LRRC37A2: variants seen among roughly 807,000 people sequenced by gnomAD.
The protein encoded by LRRC37A2 is leucine-rich repeat-containing protein 37A2.
A neutral mutation model predicts 68.8 loss-of-function variants in LRRC37A2; 9 were observed. The ratio of observed to expected loss-of-function variants is 0.13; its 90% CI spans 0.08 to 0.23. The LOEUF (loss-of-function observed/expected upper bound fraction) is 0.23, where lower values mean the gene tolerates loss of function less well. Ranked by LOEUF, LRRC37A2 falls within the 10% of genes least tolerant of loss-of-function variation. The pLI is 1.00. For missense variants in LRRC37A2, 168 were observed against 950.4 expected, an observed-to-expected ratio of 0.18 and a Z score of 10.82; for synonymous variants, 63 against 367.6, an observed-to-expected ratio of 0.17 and a Z score of 9.48.
the LRRC37A2 span, among the ~76,000 whole-genome samples, chr17:46,864,232 A>C: frequency 6.6e-6 from 1 of 152,160 alleles, no homozygotes; most frequent in Non-Finnish European, 1.5e-5. Flanking sequence ...AGCCAGAGTC[A>C]CCCAGTACCC....
the LRRC37A2 span, among the ~76,000 whole-genome samples, chr17:46,711,740 A>G: frequency 6.6e-6 from 1 of 152,230 alleles, no homozygotes; most frequent in Admixed American, 6.5e-5. Flanking sequence ...GCCCCATGAC[A>G]AGGGAACCTA....
chr17:46,852,418 G>A, the LRRC37A2 span, among the ~76,000 whole-genome samples: 1 of 150,876 alleles, frequency 6.6e-6, no homozygotes. Flanking sequence ...GTGTGTGTGT[G>A]TGTGTGTGTG....
the LRRC37A2 span, among the ~76,000 whole-genome samples, chr17:46,392,421 CTTTCTTTCTCTCTTTCTTTCTTTCTT>C: frequency 4.4e-4 from 25 of 57,442 alleles, no homozygotes; most frequent in Non-Finnish European, 7.4e-4. Flanking sequence ...CTCTCTCTCT[CTTTCTTTCTCTCTTTCTTTCTTTCTT>C]TCTTTCTTTC....
chr17:46,859,908 A>T, the LRRC37A2 span, among the ~76,000 whole-genome samples: 8 of 152,300 alleles, frequency 5.3e-5, no homozygotes, highest in South Asian at 1.5e-3. Context: ...TTGAAAATTT[A>T]AAAAAAGAAA....
chr17:46,822,807 G>A, the LRRC37A2 span, among the ~76,000 whole-genome samples: 29 of 152,130 alleles, frequency 1.9e-4, no homozygotes, highest in African/African-American at 6.5e-4. Flanking sequence ...GGCACCGCCA[G>A]ATCCACCCTG....
chr17:46,759,385 G>A, the LRRC37A2 span, among the ~76,000 whole-genome samples: 3 of 152,222 alleles, frequency 2.0e-5, no homozygotes, highest in East Asian at 3.8e-4. Flanking sequence ...ATAAAGATGC[G>A]GGAGATAGCG....
chr17:46,851,740 C>A, the LRRC37A2 span: 8 of 1,231,230 alleles, frequency 6.5e-6, no homozygotes, highest in Admixed American at 1.7e-4. This position sits in a 1 kb window ranked among gnomAD's most constrained non-coding sequence, Gnocchi z 4.3. Context: ...CGCCCCCCGC[C>A]CGCTCCCCGG....
the LRRC37A2 span, among the ~76,000 whole-genome samples, chr17:46,992,412 C>A: frequency 6.6e-6 from 1 of 152,028 alleles, no homozygotes. Context: ...GGTTTGGCTG[C>A]GTACTGAAAC....
the LRRC37A2 span, among the ~76,000 whole-genome samples, chr17:46,787,895 T>G: frequency 6.6e-6 from 1 of 150,690 alleles, no homozygotes; most frequent in Non-Finnish European, 1.5e-5. Flanking sequence ...GGCAGAGGTT[T>G]CAGTGAGCCG....
chr17:46,944,818 T>C, the LRRC37A2 span, among the ~76,000 whole-genome samples: 1 of 152,126 alleles, frequency 6.6e-6, no homozygotes. Context: ...CAGGCTGGTC[T>C]CGAACTCCTG....
the LRRC37A2 span, among the ~76,000 whole-genome samples, chr17:46,882,746 C>T: frequency 6.6e-6 from 1 of 152,228 alleles, no homozygotes; most frequent in African/African-American, 2.4e-5. Flanking sequence ...GATTGGTGGC[C>T]TATGGTGCAC....
the LRRC37A2 span, among the ~76,000 whole-genome samples, chr17:47,000,962 C>A: frequency 5.3e-5 from 8 of 152,030 alleles, no homozygotes; most frequent in African/African-American, 1.9e-4. Flanking sequence ...GTGGTAAAAC[C>A]CCGTCTCTAC....
the LRRC37A2 span, among the ~76,000 whole-genome samples, chr17:46,808,057 A>G: frequency 2.0e-5 from 3 of 152,262 alleles, no homozygotes; most frequent in Non-Finnish European, 4.4e-5. Flanking sequence ...GACCAGATGC[A>G]AAGCAGCAAA....
the LRRC37A2 span, among the ~76,000 whole-genome samples, chr17:46,791,650 A>G: frequency 6.6e-6 from 1 of 152,238 alleles, no homozygotes; most frequent in African/African-American, 2.4e-5. Flanking sequence ...GCTGGGGCAC[A>G]GGGAGTTTCT....
the LRRC37A2 span, among the ~76,000 whole-genome samples, chr17:46,494,469 A>G: frequency 6.7e-6 from 1 of 149,240 alleles, no homozygotes; most frequent in Non-Finnish European, 1.5e-5. Flanking sequence ...AGTCATAGAC[A>G]ATATGTAAAT....
At chr17:46,900,202 T>TACATATATATATACACACACAC in the LRRC37A2 span, among the ~76,000 whole-genome samples, 3 of 101,172 alleles carry the variant, frequency 3.0e-5, no homozygotes, top group African/African-American at 1.5e-4. Context: ...TATATATATA[T>TACATATATATATACACACACAC]ACACACACAC....
At chr17:46,839,941 TTTC>T in the LRRC37A2 span, among the ~76,000 whole-genome samples, 1 of 149,270 alleles carries the variant, frequency 6.7e-6, no homozygotes, top group South Asian at 2.2e-4. Flanking sequence ...TCTTTCTTTC[TTTC>T]TTTCTTTCTT....
the LRRC37A2 span, among the ~76,000 whole-genome samples, chr17:46,920,801 C>T: frequency 6.6e-6 from 1 of 152,256 alleles, no homozygotes; most frequent in African/African-American, 2.4e-5. Flanking sequence ...GCACTAGGCG[C>T]AACAGGCCAA....
chr17:46,816,244 T>C, the LRRC37A2 span, among the ~76,000 whole-genome samples: 1 of 151,634 alleles, frequency 6.6e-6, no homozygotes, highest in African/African-American at 2.4e-5. Context: ...AAGATACTTC[T>C]AGACTTCTCT....
Sources: allele counts gnomAD v4.1 joint callset (sites outside exome capture counted in the v4.1 genomes callset), GRCh38; gene constraint gnomAD v4.1.1; non-coding constraint Gnocchi (gnomAD v3.1); transcripts MANE v1.5; gene names NCBI Gene and HGNC (gene_info 2026-07-23, HGNC 2026-07-21).